PADI2: variants seen among roughly 807,000 people sequenced by gnomAD.
PADI2 encodes the protein peptidyl arginine deiminase 2.
In PADI2, 70 loss-of-function variants were observed where a neutral mutation model predicts 81.1. The observed-to-expected ratio is 0.86, with a 90% CI of 0.71 to 1.05. The LOEUF (loss-of-function observed/expected upper bound fraction) is 1.05. Among genes scored for constraint, PADI2 ranks in the 50% least tolerant of loss-of-function variants. The probability of loss-of-function intolerance (pLI) is 0.00; values close to 1 mark genes in which losing one functional copy is unlikely to be tolerated. For missense variants in PADI2, 853 were observed against 889.9 expected, an observed-to-expected ratio of 0.96 and a Z score of 0.53; for synonymous variants, 338 against 358.0, an observed-to-expected ratio of 0.94 and a Z score of 0.63.
At chr1:17,084,489 C>A in intron 8 of PADI2, 110 bp downstream of exon 8, 1 of 631,488 alleles carries the variant, frequency 1.6e-6, no homozygotes, top group South Asian at 2.0e-5. Flanking sequence ...GAGAGTTGCT[C>A]AAGGTAACAC....
intron 13 of PADI2, among the ~76,000 whole-genome samples, chr1:17,074,392 CAAAAA>C (rs71006417): frequency 2.1e-5 from 3 of 142,378 alleles, no homozygotes; most frequent in African/African-American, 5.3e-5. Context: ...AACTCTGTCT[CAAAAA>C]AAAAAAAAAA....
At chr1:17,086,399 C>T in intron 7 of PADI2, 122 bp downstream of exon 7, 1 of 789,210 alleles carries the variant, frequency 1.3e-6, no homozygotes, top group African/African-American at 1.7e-5. Flanking sequence ...GGTCTCCTAG[C>T]CTGGACCCAC....
intron 4 of PADI2, 80 bp downstream of exon 4, chr1:17,095,829 T>C: frequency 9.0e-7 from 1 of 1,110,816 alleles, no homozygotes; most frequent in Non-Finnish European, 1.3e-6. Context: ...AGCTGTGAAA[T>C]GGGAATTGCC....
At chr1:17,072,928 C>T (rs531576593) in intron 13 of PADI2, among the ~76,000 whole-genome samples, 22 of 152,268 alleles carry the variant, frequency 1.4e-4, no homozygotes, top group Middle Eastern at 3.4e-3. Flanking sequence ...CAAGAACAAA[C>T]TTCCCATCAG....
At chr1:17,085,262 T>C (rs2078376625) in intron 7 of PADI2, among the ~76,000 whole-genome samples, 1 of 152,304 alleles carries the variant, frequency 6.6e-6, no homozygotes, top group East Asian at 1.9e-4. Flanking sequence ...CAAGGGAAAG[T>C]GAGGTCTGAT....
intron 6 of PADI2, among the ~76,000 whole-genome samples, chr1:17,090,581 T>TTGTG (rs3036949): frequency 0.022 from 3,202 of 142,794 alleles, 65 homozygotes; most frequent in African/African-American, 0.036. Context: ...CGTCCTTTGC[T>TTGTG]TGTGTGTGTG....
At chr1:17,114,152 G>C (rs1412347108) in intron 1 of PADI2, among the ~76,000 whole-genome samples, 5 of 152,200 alleles carry the variant, frequency 3.3e-5, no homozygotes, top group Non-Finnish European at 7.4e-5. Context: ...AGCGCTGCTC[G>C]GGCCAAGCTT....
chr1:17,105,645 T>C (rs7527697), intron 1 of PADI2, among the ~76,000 whole-genome samples: 124,220 of 151,974 alleles, frequency 0.82, 51,012 homozygotes, highest in East Asian at 0.95. Context: ...CCGCCTGCCT[T>C]GGCCTCCCAA....
intron 13 of PADI2, among the ~76,000 whole-genome samples, chr1:17,073,602 G>T (rs1437543970): frequency 6.6e-6 from 1 of 152,062 alleles, no homozygotes; most frequent in Non-Finnish European, 1.5e-5. Flanking sequence ...AAACACTGGG[G>T]ACTATTAGAG....
rs567803609 is a variant in PADI2, at chr1:17,104,005, G to A, written c.276+873C>T. Among the ~76,000 whole-genome samples the A allele has an allele frequency of 4.7e-5, 7 of 149,516 alleles. No homozygotes were observed. In the East Asian group the frequency reaches 8.1e-4, roughly 17 times the overall value. ...TCTCTTAAAAACAAACAAACAGGCCGGCCGCGGTGGCTCACGCCTGTAATC... is the reference window on the plus strand; with the variant it reads ...TCTCTTAAAAACAAACAAACAGGCCAGCCGCGGTGGCTCACGCCTGTAATC... On this transcript the variant is annotated intron_variant, in intron 2 of 15. Coordinates refer to ENST00000375486, the MANE Select transcript of PADI2 (RefSeq NM_007365.3).
intron 10 of PADI2, 132 bp from the exon 11 acceptor site, chr1:17,079,547 T>C (rs138001458): frequency 0.017 from 11,282 of 667,942 alleles, 162 homozygotes; most frequent in Middle Eastern, 0.028. Flanking sequence ...GTCCACGGTC[T>C]TCCTATGATT....
intron 3 of PADI2, among the ~76,000 whole-genome samples, chr1:17,096,602 C>G (rs1318262927): frequency 6.6e-6 from 1 of 152,206 alleles, no homozygotes; most frequent in African/African-American, 2.4e-5. Context: ...GATGGAGGAT[C>G]CAGGGCCAGG....
intron 2 of PADI2, among the ~76,000 whole-genome samples, chr1:17,104,358 A>G (rs1177139345): frequency 1.3e-5 from 2 of 151,548 alleles, no homozygotes; most frequent in South Asian, 4.2e-4. Flanking sequence ...TGTCAAAATG[A>G]TAATATTTTG....
chr1:17,089,653 C>T lies in PADI2; in HGVS notation c.655+2755G>A, dbSNP rs1410518093. ...GCTTTCTGACAGTTGGGGCCAGCTC[C>T]GGGCGGACTGATTTCTTGGTGGGAA... On this transcript the variant is annotated intron_variant, in intron 6 of 15. Transcript: ENST00000375486. Among the ~76,000 whole-genome samples the T allele has an allele frequency of 3.3e-5, 5 of 152,102 alleles. No individual in the cohort carries two copies. In the South Asian group the frequency reaches 6.2e-4, roughly 19 times the overall value.
At position 17,083,722 on chromosome 1, in the gene PADI2, T is replaced by C. The variant is rs1383685378; in HGVS notation, c.1050+4A>G. The stretch of plus-strand genomic sequence containing the variant: ...CCTTCCCAGCCTGGACCTGGGCTCC[T>C]TACCTGGATCCAGCGATCGCCTCGG... On this transcript the variant is annotated splice_donor_region_variant and intron_variant, in intron 9 of 15. Transcript: ENST00000375486. The C allele has an allele frequency of 6.3e-7, 1 of 1,599,936 alleles. No homozygotes were observed. Among genetic ancestry groups the C allele is most frequent in the Non-Finnish European group, 8.6e-7 (1 of 1,167,106 alleles).
At chr1:17,109,249 G>T (rs553373178) in intron 1 of PADI2, among the ~76,000 whole-genome samples, 3 of 151,688 alleles carry the variant, frequency 2.0e-5, no homozygotes, top group Non-Finnish European at 2.9e-5. Flanking sequence ...TTAGCCGAGC[G>T]TAGTGGCGTG....
rs1387874043 is a variant in PADI2 at position 17,108,526 on chromosome 1, G to T, written c.93-3465C>A. On this transcript the variant is annotated intron_variant, in intron 1 of 15. Transcript: ENST00000375486. Reference sequence around the variant, plus strand: ...TGGGTTATAAGTCCCCTGAGGGCATGGTCCGGCCTCTCCCATCTTCATTCT... The same window carrying T: ...TGGGTTATAAGTCCCCTGAGGGCATTGTCCGGCCTCTCCCATCTTCATTCT... 2.0e-5 allele frequency among the ~76,000 whole-genome samples: 3 copies of T among 152,006 alleles called. No individual in the cohort carries two copies. The South Asian group carries it at 6.2e-4, about 31-fold the overall frequency.
At chr1:17,111,327 T>TC (rs1931572407) in intron 1 of PADI2, among the ~76,000 whole-genome samples, 1 of 152,048 alleles carries the variant, frequency 6.6e-6, no homozygotes, top group African/African-American at 2.4e-5. Flanking sequence ...ACTCCTGACT[T>TC]CAAGTGATCT....
intron 1 of PADI2, among the ~76,000 whole-genome samples, chr1:17,110,347 A>G (rs1488899054): frequency 6.6e-6 from 1 of 152,128 alleles, no homozygotes; most frequent in Non-Finnish European, 1.5e-5. Flanking sequence ...CACTGTGGCC[A>G]TGTCTCCTGC....
Sources: allele counts gnomAD v4.1 joint callset (sites outside exome capture counted in the v4.1 genomes callset), GRCh38; gene constraint gnomAD v4.1.1; transcripts MANE v1.5; gene names NCBI Gene and HGNC (gene_info 2026-07-23, HGNC 2026-07-21).